The following EPB41 variants were observed in gnomAD, a reference collection of about 807,000 sequenced individuals.
The protein encoded by EPB41 is protein 4.1.
EPB41 carries 65 observed loss-of-function variants against 108.0 expected under a neutral mutation model. The ratio of observed to expected loss-of-function variants is 0.60; its 90% CI spans 0.49 to 0.74. EPB41 has a LOEUF of 0.74. Among genes scored for constraint, EPB41 ranks in the 30% least tolerant of loss-of-function variants. EPB41 has a pLI of 0.00. For synonymous variants in EPB41, 336 were observed against 358.9 expected (o/e 0.94, Z 0.72); for missense variants, 875 against 1,037.0 (o/e 0.84, Z 2.15).
At chr1:29,068,651 C>T in intron 16 of EPB41, 1 of 862,672 alleles carries the variant, frequency 1.2e-6, no homozygotes, top group Non-Finnish European at 1.5e-6. Context: ...TTTCCATTCT[C>T]TGGGGATACC....
intron 1 of EPB41, among the ~76,000 whole-genome samples, chr1:28,928,108 A>G (rs1340966707): frequency 6.6e-6 from 1 of 152,042 alleles, no homozygotes; most frequent in Non-Finnish European, 1.5e-5. Flanking sequence ...AAGGGAAATA[A>G]GTACAGAGTT....
At chr1:29,089,158 G>T (rs1660313644) in intron 16 of EPB41, among the ~76,000 whole-genome samples, 1 of 152,158 alleles carries the variant, frequency 6.6e-6, no homozygotes, top group South Asian at 2.1e-4. Context: ...ATGCTCAAGT[G>T]ATTAGCACAG....
Position 28,987,682 on chromosome 1 carries a change from T to G in EPB41, c.245T>G (p.Leu82Arg). Reference protein sequence around the residue: ...RTSESRGLSRLFSSFLKRPKS... With the variant: ...RTSESRGLSRRFSSFLKRPKS... The stretch of plus-strand genomic sequence containing the variant: ...TCAGAAAGCAGAGGACTTTCACGAC[T>G]ATTCTCCTCGTTTCTCAAAAGGCCC... Residue 82 changes from leucine (L) to arginine (R), a missense_variant, in exon 2 of 21, where the codon CTA (leucine) becomes CGA (arginine). Leu to Arg is a moderately radical substitution (Grantham distance 102). Around this residue, in one of 3 missense-constraint regions of EPB41, gnomAD observed 353 missense variants for 393.2 expected, o/e 0.90. Transcript: ENST00000343067. 2 of 1,614,230 alleles carry G rather than the reference T, an allele frequency of 1.2e-6. No homozygotes were observed. The highest frequency in any genetic ancestry group is 1.7e-6 in the Non-Finnish European group (2 of 1,180,026).
At chr1:28,993,195 A>C (rs887879577) in intron 2 of EPB41, 135 bp from the exon 3 acceptor site, 1 of 719,840 alleles carries the variant, frequency 1.4e-6, no homozygotes, top group Non-Finnish European at 2.4e-6. Context: ...TTTATAGAAA[A>C]ATATTTAATA....
upstream of EPB41, among the ~76,000 whole-genome samples, chr1:28,910,520 T>C (rs546906419): frequency 6.3e-4 from 96 of 152,284 alleles, no homozygotes; most frequent in Non-Finnish European, 1.0e-3. Flanking sequence ...GCTGTGTCCC[T>C]AATCCGCCCA....
In EPB41 at chr1:28,962,180, G is replaced by A. The variant is rs142038099; in HGVS notation, c.-7-25251G>A. 3.8e-3 allele frequency among the ~76,000 whole-genome samples: 572 copies of A among 151,706 alleles called. 6 individuals carry two copies. Among genetic ancestry groups the A allele is most frequent in the African/African-American group, 0.013 (530 of 41,390 alleles). ...GGTTCAAGCGATTCTCCTGCCTCAG[G>A]CCCCTGAGTAGCTGGGATTACAGGG... On this transcript the variant is annotated intron_variant, in intron 1 of 20. Coordinates refer to ENST00000343067, the MANE Select transcript of EPB41 (RefSeq NM_001376013.1).
intron 1 of EPB41, among the ~76,000 whole-genome samples, chr1:28,969,155 G>A (rs933431256): frequency 1.1e-4 from 17 of 149,624 alleles, no homozygotes; most frequent in African/African-American, 4.0e-4. Context: ...CACAGTCTCA[G>A]CTCACTGCAA....
At chr1:28,975,178 C>CA (rs2095574921) in intron 1 of EPB41, among the ~76,000 whole-genome samples, 1 of 151,912 alleles carries the variant, frequency 6.6e-6, no homozygotes, top group Non-Finnish European at 1.5e-5. Context: ...GTAATCCACC[C>CA]ACCTCAGGCT....
At chr1:28,973,748 C>T (rs781295350) in intron 1 of EPB41, among the ~76,000 whole-genome samples, 1 of 152,100 alleles carries the variant, frequency 6.6e-6, no homozygotes, top group Non-Finnish European at 1.5e-5. Context: ...TTGGTAAGGA[C>T]CTGAGAATTC....
At position 29,112,232 on chromosome 1, in the gene EPB41, C is replaced by T. The variant is rs968608571; in HGVS notation, c.2416-136C>T. 3.0e-5 allele frequency: 21 copies of T among 700,964 alleles called. 1 individual carries two copies. The highest frequency in any genetic ancestry group is 1.8e-4 in the Admixed American group (8 of 44,224). 43.4% of individuals were successfully genotyped at this position (700,964 alleles called of 1,614,324 possible). On this transcript the variant is annotated intron_variant, in intron 18 of 20. Coordinates refer to ENST00000343067, the MANE Select transcript of EPB41 (RefSeq NM_001376013.1). ...CCCAGGCTGGTCTCAAACTCCTGGC[C>T]GCAAGCATTCCTCCTATCTCAGCCT...
At chr1:28,945,659 G>A (rs187999621) in intron 1 of EPB41, among the ~76,000 whole-genome samples, 14 of 152,246 alleles carry the variant, frequency 9.2e-5, no homozygotes, top group South Asian at 4.1e-4. Context: ...TTTAAATTAG[G>A]AAATGGGCCA....
intron 1 of EPB41, among the ~76,000 whole-genome samples, chr1:28,969,976 A>G (rs999082804): frequency 7.2e-5 from 11 of 152,260 alleles, no homozygotes; most frequent in Admixed American, 6.5e-4. Flanking sequence ...ATATGTTCAC[A>G]TCACCAAAAA....
At chr1:29,114,171 C>G (rs1356584889) in intron 19 of EPB41, among the ~76,000 whole-genome samples, 1 of 152,170 alleles carries the variant, frequency 6.6e-6, no homozygotes, top group East Asian at 1.9e-4. Context: ...ATAGGGGAGC[C>G]TGCAAATTCA....
chr1:29,074,103 C>T (rs1243412133), intron 16 of EPB41, among the ~76,000 whole-genome samples: 1 of 152,002 alleles, frequency 6.6e-6, no homozygotes, highest in Non-Finnish European at 1.5e-5. Flanking sequence ...TGTGCTTTAC[C>T]CAGTGATCAT....
chr1:28,913,119 G>A (rs1366668706), upstream of EPB41, among the ~76,000 whole-genome samples: 1 of 152,020 alleles, frequency 6.6e-6, no homozygotes, highest in Non-Finnish European at 1.5e-5. Context: ...GGGAGTCCCA[G>A]CTACTTGGAC....
At chr1:28,925,884 A>G (rs2093417378) in intron 1 of EPB41, among the ~76,000 whole-genome samples, 1 of 152,128 alleles carries the variant, frequency 6.6e-6, no homozygotes, top group Non-Finnish European at 1.5e-5. Flanking sequence ...TCCTTCATTT[A>G]GTACATGTTA....
chr1:29,110,600 C>T (rs1272557632), intron 18 of EPB41, among the ~76,000 whole-genome samples: 1 of 152,104 alleles, frequency 6.6e-6, no homozygotes, highest in Non-Finnish European at 1.5e-5. Flanking sequence ...CAGAGGCAAT[C>T]GATGTTTGCT....
At chr1:28,982,485 C>G (rs908564930) in intron 1 of EPB41, 11 of 826,238 alleles carry the variant, frequency 1.3e-5, no homozygotes, top group Non-Finnish European at 2.1e-5. Context: ...TTCCAGACAC[C>G]AGAGCATGGC....
intron 12 of EPB41, among the ~76,000 whole-genome samples, chr1:29,056,395 G>A (rs1364438210): frequency 6.6e-6 from 1 of 152,150 alleles, no homozygotes; most frequent in Admixed American, 6.5e-5. Flanking sequence ...GTGCCAGATA[G>A]AGATAGCTTT....
Sources: gnomAD v4.1 joint callset for allele counts (sites outside exome capture counted in the v4.1 genomes callset) on GRCh38, gnomAD v4.1.1 for gene constraint, gnomAD v4.1.1 regional missense constraint, MANE v1.5 for transcripts, NCBI Gene and HGNC (gene_info 2026-07-23, HGNC 2026-07-21) for gene names.